The following LRRTM4 variants were observed in gnomAD, a reference collection of about 807,000 sequenced individuals.
The protein encoded by LRRTM4 is leucine-rich repeat transmembrane neuronal protein 4.
Under a neutral mutation model 47.6 loss-of-function variants are expected in LRRTM4, and 25 were observed. The ratio of observed to expected loss-of-function variants is 0.53; its 90% confidence interval spans 0.38 to 0.73. LRRTM4 has a LOEUF of 0.73. Among genes scored for constraint, LRRTM4 ranks in the 30% least tolerant of loss-of-function variants. The pLI is 0.00. For missense variants in LRRTM4, 638 were observed against 713.4 expected, an observed-to-expected ratio of 0.89 and a Z score of 1.20; for synonymous variants, 311 against 269.5, an observed-to-expected ratio of 1.15 and a Z score of -1.51.
At chr2:77,158,788 T>G (rs2103802353) in intron 3 of LRRTM4, among the ~76,000 whole-genome samples, 1 of 151,966 alleles carries the variant, frequency 6.6e-6, no homozygotes, top group African/African-American at 2.4e-5. Context: ...CTTTTTTCGT[T>G]TTTTTTTCTA....
intron 3 of LRRTM4, among the ~76,000 whole-genome samples, chr2:76,836,380 CTTCT>C (rs1307607500): frequency 6.6e-6 from 1 of 151,778 alleles, no homozygotes; most frequent in African/African-American, 2.4e-5. Context: ...TATTATCTTT[CTTCT>C]TTCTTGTTTT....
intron 3 of LRRTM4, among the ~76,000 whole-genome samples, chr2:77,020,388 C>G (rs1180956900): frequency 1.3e-5 from 2 of 151,940 alleles, no homozygotes; most frequent in African/African-American, 4.8e-5. Flanking sequence ...AAAGTATTGG[C>G]AAAAACCACA....
chr2:77,371,468 T>C (rs1672653434), intron 3 of LRRTM4, among the ~76,000 whole-genome samples: 2 of 151,724 alleles, frequency 1.3e-5, no homozygotes, highest in South Asian at 4.1e-4. Context: ...CTACCCCACT[T>C]CTTTAAGCAG....
intron 3 of LRRTM4, among the ~76,000 whole-genome samples, chr2:77,188,004 G>C (rs1341597692): frequency 1.3e-5 from 2 of 152,022 alleles, no homozygotes; most frequent in Non-Finnish European, 2.9e-5. Context: ...GCTTTCATTA[G>C]ATTTAAATTA....
chr2:77,194,059 T>G (rs1673748738), intron 3 of LRRTM4, among the ~76,000 whole-genome samples: 1 of 152,144 alleles, frequency 6.6e-6, no homozygotes, highest in South Asian at 2.1e-4. Context: ...ATCTTTTGCT[T>G]TGATGGTTAT....
intron 3 of LRRTM4, among the ~76,000 whole-genome samples, chr2:76,981,004 C>T (rs1187506738): frequency 6.6e-6 from 1 of 151,998 alleles, no homozygotes; most frequent in Non-Finnish European, 1.5e-5. Flanking sequence ...TTCCTTGGGG[C>T]AAAGTTGTAA....
At chr2:76,868,144 T>C (rs972759616) in intron 3 of LRRTM4, among the ~76,000 whole-genome samples, 2 of 152,218 alleles carry the variant, frequency 1.3e-5, no homozygotes, top group South Asian at 4.1e-4. Context: ...TCTGTTGATA[T>C]TAAGAATATT....
At chr2:77,176,994 C>T (rs1242699630) in intron 3 of LRRTM4, among the ~76,000 whole-genome samples, 1 of 152,090 alleles carries the variant, frequency 6.6e-6, no homozygotes, top group African/African-American at 2.4e-5. Context: ...CACATATGGT[C>T]TGAAAAAGGG....
intron 3 of LRRTM4, among the ~76,000 whole-genome samples, chr2:77,203,131 G>GTA (rs1178226719): frequency 1.3e-5 from 2 of 151,714 alleles, no homozygotes; most frequent in African/African-American, 2.4e-5. Context: ...ATATGTGTGT[G>GTA]TATATATATG....
intron 3 of LRRTM4, among the ~76,000 whole-genome samples, chr2:77,099,999 A>G (rs564043549): frequency 5.3e-5 from 8 of 152,138 alleles, no homozygotes; most frequent in Non-Finnish European, 8.8e-5. Flanking sequence ...TTTTCTACAA[A>G]TTGTTCTTTC....
chr2:76,793,335 A>G (rs1675079605), intron 3 of LRRTM4, among the ~76,000 whole-genome samples: 1 of 152,162 alleles, frequency 6.6e-6, no homozygotes, highest in Non-Finnish European at 1.5e-5. Context: ...TCAATGACAG[A>G]GTTGAGTAGA....
intron 3 of LRRTM4, among the ~76,000 whole-genome samples, chr2:77,505,757 T>C (rs909756761): frequency 6.6e-5 from 10 of 151,798 alleles, no homozygotes; most frequent in African/African-American, 2.4e-4. Context: ...TTATCATATC[T>C]GTATTAGAAT....
intron 3 of LRRTM4, among the ~76,000 whole-genome samples, chr2:77,316,170 A>G (rs1677612858): frequency 1.3e-5 from 2 of 152,178 alleles, no homozygotes; most frequent in South Asian, 2.1e-4. Flanking sequence ...GGCCAGTGAC[A>G]TGGTAAACTT....
At chr2:76,763,561 T>A (rs1229679008) in intron 3 of LRRTM4, among the ~76,000 whole-genome samples, 1 of 152,212 alleles carries the variant, frequency 6.6e-6, no homozygotes, top group Non-Finnish European at 1.5e-5. Context: ...AAATTTATGT[T>A]GTTTAAGCCA....
intron 3 of LRRTM4, among the ~76,000 whole-genome samples, chr2:77,257,928 C>T (rs1675814929): frequency 6.6e-6 from 1 of 151,794 alleles, no homozygotes; most frequent in Admixed American, 6.6e-5. Flanking sequence ...AACCCCGTCT[C>T]TACTAAAAAT....
At chr2:77,448,044 A>AATAAATTAT (rs1676120358) in intron 3 of LRRTM4, among the ~76,000 whole-genome samples, 1 of 152,224 alleles carries the variant, frequency 6.6e-6, no homozygotes, top group African/African-American at 2.4e-5. Flanking sequence ...AAAAAGAGAA[A>AATAAATTAT]GGTGCAAAAG....
At chr2:77,169,951 T>C (rs1672999466) in intron 3 of LRRTM4, among the ~76,000 whole-genome samples, 1 of 152,192 alleles carries the variant, frequency 6.6e-6, no homozygotes, top group South Asian at 2.1e-4. Context: ...ACGTATTTGT[T>C]ATGTCTGTTT....
At chr2:77,498,750 AT>A (rs1220943699) in intron 3 of LRRTM4, among the ~76,000 whole-genome samples, 1 of 151,582 alleles carries the variant, frequency 6.6e-6, no homozygotes. Context: ...GCAACTAACT[AT>A]TTTTCCCATC....
At chr2:77,499,399 G>T (rs186375732) in intron 3 of LRRTM4, among the ~76,000 whole-genome samples, 1 of 151,828 alleles carries the variant, frequency 6.6e-6, no homozygotes, top group Non-Finnish European at 1.5e-5. Context: ...ACATTGTCCT[G>T]GTCCCGGTTC....
Sources: gnomAD v4.1 joint callset for allele counts (sites outside exome capture counted in the v4.1 genomes callset) on GRCh38, gnomAD v4.1.1 for gene constraint, MANE v1.5 for transcripts, NCBI Gene and HGNC (gene_info 2026-07-23, HGNC 2026-07-21) for gene names.